Variants in ZFAT observed in about 807,000 individuals in gnomAD.
ZFAT encodes the protein zinc finger protein ZFAT.
A neutral mutation model predicts 117.7 loss-of-function variants in ZFAT; 64 were observed. The observed-to-expected ratio is 0.54, with a 90% CI of 0.44 to 0.67. ZFAT has a LOEUF of 0.67. ZFAT is among the 30% of genes least tolerant of loss of function. ZFAT has a pLI of 0.00. For synonymous variants in ZFAT, 679 were observed against 615.0 expected, an observed-to-expected ratio of 1.10 and a Z score of -1.54; for missense variants, 1,433 against 1,584.5, an observed-to-expected ratio of 0.90 and a Z score of 1.62.
intron 10 of ZFAT, among the ~76,000 whole-genome samples, chr8:134,578,147 G>A (rs773165246): frequency 1.3e-5 from 2 of 152,104 alleles, no homozygotes; most frequent in East Asian, 1.9e-4. Context: ...GGGCATGGCG[G>A]CTCACATGTA....
At chr8:134,730,091 G>T in the ZFAT span, among the ~76,000 whole-genome samples, 1 of 152,176 alleles carries the variant, frequency 6.6e-6, no homozygotes. Context: ...GTTACGCGCT[G>T]CTCCCACTTG....
chr8:134,712,715 CTCCGCGGCCGGCGGCCGGCG>C, intron 1 of ZFAT, 110 bp downstream of exon 1: 1 of 792,216 alleles, frequency 1.3e-6, no homozygotes, highest in Non-Finnish European at 1.8e-6. Context: ...ACCCGGATCC[CTCCGCGGCCGGCGGCCGGCG>C]GCCGGCGGCC....
the ZFAT span, chr8:134,765,259 T>C: frequency 1.3e-5 from 2 of 152,260 alleles, no homozygotes; most frequent in African/African-American, 4.8e-5. Flanking sequence ...TTCACTAGAC[T>C]GAACCATCAT....
intron 15 of ZFAT, among the ~76,000 whole-genome samples, chr8:134,494,747 A>G (rs1001394253): frequency 1.3e-5 from 2 of 152,248 alleles, no homozygotes; most frequent in Non-Finnish European, 2.9e-5. Flanking sequence ...AAATATGTTT[A>G]TCATAACAAA....
rs1830347165 is a variant in ZFAT at position 134,638,212 on chromosome 8, T to C, written c.197-500A>G. On this transcript the variant is annotated intron_variant, in intron 2 of 15. Coordinates refer to ENST00000377838, the MANE Select transcript of ZFAT (RefSeq NM_020863.4). ...TTGTCCTGGCAAGAAAAAGAAAAAA[T>C]AATTACAATCTAAAGCCACAAATTA... Among the ~76,000 whole-genome samples, 4 of 152,036 alleles carry C rather than the reference T, an allele frequency of 2.6e-5. No homozygotes were observed. The South Asian group carries it at 6.2e-4, about 24-fold the overall frequency.
the ZFAT span, among the ~76,000 whole-genome samples, chr8:134,782,280 G>A: frequency 6.6e-6 from 1 of 152,194 alleles, no homozygotes; most frequent in South Asian, 2.1e-4. Context: ...AAGAGAACTT[G>A]ATGTCTCTAA....
intron 15 of ZFAT, among the ~76,000 whole-genome samples, chr8:134,492,592 C>G (rs933036462): frequency 3.9e-5 from 6 of 152,198 alleles, no homozygotes; most frequent in Admixed American, 1.3e-4. Context: ...TAAATTATAA[C>G]CAAGCAATAG....
chr8:134,536,678 A>AT (rs1821865836), intron 11 of ZFAT, among the ~76,000 whole-genome samples: 1 of 152,216 alleles, frequency 6.6e-6, no homozygotes, highest in African/African-American at 2.4e-5. Context: ...TATGAAGCAT[A>AT]TATTTACTGA....
intron 10 of ZFAT, among the ~76,000 whole-genome samples, chr8:134,579,475 C>CG (rs1226977439): frequency 4.1e-4 from 62 of 152,050 alleles, no homozygotes; most frequent in Non-Finnish European, 7.9e-4. Flanking sequence ...ACCCCTAGCA[C>CG]GAGAACAGTA....
At chr8:134,667,492 CAA>C (rs34820180) in intron 1 of ZFAT, among the ~76,000 whole-genome samples, 107 of 64,222 alleles carry the variant, frequency 1.7e-3, no homozygotes, top group African/African-American at 4.6e-3. Flanking sequence ...GACTAAGTCT[CAA>C]AAAAAAAAAA....
chr8:134,724,759 G>C, the ZFAT span, among the ~76,000 whole-genome samples: 2 of 152,046 alleles, frequency 1.3e-5, no homozygotes, highest in Admixed American at 6.5e-5. Context: ...TCTCAAAGGG[G>C]AGCTGTCTAT....
intron 11 of ZFAT, among the ~76,000 whole-genome samples, chr8:134,554,726 G>A (rs914467137): frequency 2.6e-5 from 4 of 152,306 alleles, no homozygotes; most frequent in Admixed American, 2.0e-4. Context: ...ATCCTGAAAC[G>A]CTGGCAGCTG....
chr8:134,787,759 T>C, the ZFAT span, among the ~76,000 whole-genome samples: 5 of 152,142 alleles, frequency 3.3e-5, no homozygotes, highest in African/African-American at 4.8e-5. Flanking sequence ...ATTTACAAAA[T>C]TGACTTCCAA....
the ZFAT span, among the ~76,000 whole-genome samples, chr8:134,727,786 C>T: frequency 6.6e-6 from 1 of 152,090 alleles, no homozygotes; most frequent in African/African-American, 2.4e-5. Context: ...ATGAAAGCAG[C>T]CAAAGGGAAT....
chr8:134,588,412 AT>A lies in ZFAT; in HGVS notation c.2564-18del. On this transcript the variant is annotated intron_variant, in intron 8 of 15. Transcript: ENST00000377838. Reference sequence around the variant, plus strand: ...TGGAGACCTCTAGAAGAAAAGCAGGATGTCAAAAGGAGTCAGAGCACCTCAG... The same window carrying A: ...TGGAGACCTCTAGAAGAAAAGCAGGAGTCAAAAGGAGTCAGAGCACCTCAG... 2 of 1,563,068 alleles carry A rather than the reference AT, an allele frequency of 1.3e-6. No individual in the cohort carries two copies. The highest frequency in any genetic ancestry group is 1.7e-6 in the Non-Finnish European group (2 of 1,155,628).
intron 11 of ZFAT, among the ~76,000 whole-genome samples, chr8:134,554,071 G>A (rs780181013): frequency 9.2e-5 from 14 of 152,142 alleles, no homozygotes; most frequent in Non-Finnish European, 2.1e-4. Flanking sequence ...ATGACAGCTG[G>A]CAGAGGACTC....
chr8:134,794,485 T>G, the ZFAT span: 1 of 152,212 alleles, frequency 6.6e-6, no homozygotes, highest in South Asian at 2.1e-4. Flanking sequence ...TTTTGTTTGT[T>G]TTACTGTTCC....
chr8:134,634,064 CA>C (rs1259020052), intron 3 of ZFAT, among the ~76,000 whole-genome samples: 5 of 80,800 alleles, frequency 6.2e-5, no homozygotes, highest in Admixed American at 4.7e-4. Flanking sequence ...CAAAACAAAA[CA>C]AAACAAACAA....
chr8:134,556,869 G>A (rs1258312487), intron 11 of ZFAT, among the ~76,000 whole-genome samples: 1 of 151,844 alleles, frequency 6.6e-6, no homozygotes, highest in Non-Finnish European at 1.5e-5. Flanking sequence ...TACCAGAAAG[G>A]TGAATTATGC....
Sources: gnomAD v4.1 joint callset for allele counts (sites outside exome capture counted in the v4.1 genomes callset) on GRCh38, gnomAD v4.1.1 for gene constraint, MANE v1.5 for transcripts, NCBI Gene and HGNC (gene_info 2026-07-23, HGNC 2026-07-21) for gene names.